Variants in EGFR observed in about 807,000 individuals in gnomAD.
EGFR encodes the protein avian erythroblastic leukemia viral (v-erb-b) oncogene homolog.
In EGFR, 58 loss-of-function variants were observed where a neutral mutation model predicts 143.0. The observed-to-expected ratio is 0.41, with a 90% CI of 0.33 to 0.50. EGFR has a LOEUF of 0.50. Ranked by LOEUF, EGFR falls within the 20% of genes least tolerant of loss-of-function variation. The pLI, the probability that EGFR is intolerant of heterozygous loss-of-function variation, is 0.39. For synonymous variants in EGFR, 613 were observed against 594.4 expected, an observed-to-expected ratio of 1.03 and a Z score of -0.45; for missense variants, 1,307 against 1,579.0, an observed-to-expected ratio of 0.83 and a Z score of 2.92.
At chr7:55,039,604 C>T (rs923064619) in intron 1 of EGFR, among the ~76,000 whole-genome samples, 11 of 152,154 alleles carry the variant, frequency 7.2e-5, no homozygotes, top group African/African-American at 2.7e-4. Context: ...CATTCAGAGA[C>T]CAGGCAGTCG....
chr7:55,043,315 T>C (rs980801148), intron 1 of EGFR, among the ~76,000 whole-genome samples: 28 of 152,186 alleles, frequency 1.8e-4, no homozygotes, highest in Non-Finnish European at 1.0e-4. Flanking sequence ...CACTGGGGCA[T>C]CTAGTGAGTA....
intron 1 of EGFR, among the ~76,000 whole-genome samples, chr7:55,077,976 C>A (rs1157377665): frequency 6.6e-6 from 1 of 152,122 alleles, no homozygotes; most frequent in East Asian, 1.9e-4. Context: ...TCTGCAGGGA[C>A]CGGTGACGCC....
intron 1 of EGFR, among the ~76,000 whole-genome samples, chr7:55,040,513 A>G (rs1177970984): frequency 2.0e-5 from 3 of 152,136 alleles, no homozygotes; most frequent in Non-Finnish European, 4.4e-5. Flanking sequence ...TCATTGCTGT[A>G]TTTTTATTTC....
chr7:55,125,809 A>T (rs1395012095), intron 1 of EGFR, among the ~76,000 whole-genome samples: 2 of 151,974 alleles, frequency 1.3e-5, no homozygotes, highest in South Asian at 2.1e-4. Flanking sequence ...GCCATCTAGG[A>T]CCCCCTCCAA....
rs563102429 is a variant in EGFR, at chr7:55,030,857, C to T, written c.88+11492C>T. ...ATTGGCTTTTAAGAAGAGATGGTTT[C>T]ACACATCAAATTATTCACTTGGAGG... On this transcript the variant is annotated intron_variant, in intron 1 of 27. Coordinates refer to ENST00000275493, the MANE Select transcript of EGFR (RefSeq NM_005228.5). 3.8e-4 allele frequency among the ~76,000 whole-genome samples: 58 copies of T among 152,316 alleles called. 1 individual carries two copies. In the Middle Eastern group the frequency reaches 0.02, roughly 54 times the overall value.
intron 5 of EGFR, among the ~76,000 whole-genome samples, chr7:55,152,060 G>A (rs372896707): frequency 2.6e-5 from 4 of 152,134 alleles, no homozygotes; most frequent in East Asian, 1.9e-4. Flanking sequence ...GCCTGAGCAC[G>A]GGTTCTCATG....
At chr7:55,124,254 G>C (rs1311571001) in intron 1 of EGFR, among the ~76,000 whole-genome samples, 1 of 152,086 alleles carries the variant, frequency 6.6e-6, no homozygotes, top group Non-Finnish European at 1.5e-5. Flanking sequence ...TAAAACCTTT[G>C]TTCCAACATG....
chr7:55,206,562 T>C lies in EGFR; in HGVS notation c.*945T>C, dbSNP rs1788112467. ...GTTCTCGCAAAAACGTATCTCCTAA[T>C]TTGAGGCTCAGATGAAATGCATCAG... On this transcript the variant is annotated 3_prime_UTR_variant, in exon 28 of 28. Coordinates refer to ENST00000275493, the MANE Select transcript of EGFR (RefSeq NM_005228.5). 4.3e-6 allele frequency: 1 copy of C among 233,276 alleles called. No individual in the cohort carries two copies. Among genetic ancestry groups the C allele is most frequent in the Non-Finnish European group, 8.5e-6 (1 of 118,064 alleles). 14.5% of individuals were successfully genotyped at this position (233,276 alleles called of 1,614,324 possible).
intron 1 of EGFR, among the ~76,000 whole-genome samples, chr7:55,142,049 A>G (rs1375638742): frequency 6.6e-6 from 1 of 152,186 alleles, no homozygotes; most frequent in Non-Finnish European, 1.5e-5. Context: ...AAACTTAAAG[A>G]TCTTTTATCA....
At chr7:55,039,146 A>G (rs1302015982) in intron 1 of EGFR, among the ~76,000 whole-genome samples, 1 of 152,232 alleles carries the variant, frequency 6.6e-6, no homozygotes, top group African/African-American at 2.4e-5. Context: ...GAGATCCATC[A>G]CTTTAAGTGA....
At chr7:55,149,534 G>A (rs1794928184) in intron 4 of EGFR, among the ~76,000 whole-genome samples, 1 of 152,112 alleles carries the variant, frequency 6.6e-6, no homozygotes, top group Non-Finnish European at 1.5e-5. Context: ...GGTCAGCTGG[G>A]GTGTCGAGAA....
intron 14 of EGFR, among the ~76,000 whole-genome samples, chr7:55,164,443 A>T (rs1481871906): frequency 1.3e-5 from 2 of 152,212 alleles, no homozygotes; most frequent in Non-Finnish European, 2.9e-5. Flanking sequence ...GACATTCTCT[A>T]AATTGGGCAG....
At chr7:55,157,001 A>C in intron 10 of EGFR, 169 bp downstream of exon 10, 2 of 1,466,050 alleles carry the variant, frequency 1.4e-6, no homozygotes, top group Non-Finnish European at 1.8e-6. Flanking sequence ...CTGCAGGCAA[A>C]AGGGGACACG....
chr7:55,144,759 G>A (rs565721457), intron 3 of EGFR, among the ~76,000 whole-genome samples: 4 of 152,132 alleles, frequency 2.6e-5, no homozygotes, highest in Non-Finnish European at 5.9e-5. Flanking sequence ...CAGCCTGTGC[G>A]GGTGCCTGGA....
intron 1 of EGFR, among the ~76,000 whole-genome samples, chr7:55,042,908 G>C (rs745667811): frequency 6.6e-6 from 1 of 152,000 alleles, no homozygotes; most frequent in Non-Finnish European, 1.5e-5. Context: ...ATTTCCTTTC[G>C]CTGTGTTTAC....
chr7:55,080,359 A>C (rs1283060321), intron 1 of EGFR, among the ~76,000 whole-genome samples: 1 of 145,522 alleles, frequency 6.9e-6, no homozygotes, highest in African/African-American at 2.7e-5. Flanking sequence ...ATGGAATACT[A>C]TTCAGTCTTA....
intron 1 of EGFR, among the ~76,000 whole-genome samples, chr7:55,036,152 A>C (rs1562656874): frequency 6.6e-6 from 1 of 151,948 alleles, no homozygotes; most frequent in East Asian, 1.9e-4. Context: ...AAAGACAGAG[A>C]TGGGGAGATC....
rs749948319 is a variant in EGFR at position 55,209,419 on chromosome 7, C to A, written c.*3802C>A. ...AGCTGGAAAGGGGCAAATACCCCCA[C>A]CTGAGCTTTGAAAACGCCCTGGGAC... On this transcript the variant is annotated 3_prime_UTR_variant, in exon 28 of 28. Transcript: ENST00000275493. The A allele has an allele frequency of 6.6e-6, 1 of 152,176 alleles. No individual in the cohort carries two copies. The highest frequency in any genetic ancestry group is 1.5e-5 in the Non-Finnish European group (1 of 68,046). 9.4% of individuals were successfully genotyped at this position (152,176 alleles called of 1,614,324 possible).
At chr7:55,193,074 G>T (rs370723591) in intron 22 of EGFR, among the ~76,000 whole-genome samples, 28 of 152,170 alleles carry the variant, frequency 1.8e-4, no homozygotes, top group African/African-American at 6.5e-4. Context: ...CTGGCAGGGT[G>T]GGGGGTATGG....
Sources: allele counts gnomAD v4.1 joint callset (sites outside exome capture counted in the v4.1 genomes callset), GRCh38; gene constraint gnomAD v4.1.1; transcripts MANE v1.5; gene names NCBI Gene and HGNC (gene_info 2026-07-23, HGNC 2026-07-21).